The following ZNF586 variants were observed in gnomAD, a reference collection of about 807,000 sequenced individuals.
ZNF586 encodes zinc finger protein 586.
ZNF586 carries 7 observed loss-of-function variants against 6.7 expected under a neutral mutation model. The ratio of observed to expected loss-of-function variants is 1.04; its 90% CI spans 0.59 to 1.95. ZNF586 has a LOEUF of 1.95. ZNF586 is among the 30% of genes most tolerant of loss of function. The pLI is 0.00. For synonymous variants in ZNF586, 166 were observed against 168.7 expected, an observed-to-expected ratio of 0.98 and a Z score of 0.12; for missense variants, 442 against 489.6, an observed-to-expected ratio of 0.90 and a Z score of 0.92.
In ZNF586 at chr19:57,772,499, G is replaced by GC. The variant is rs1987121186; in HGVS notation, c.36+2621_36+2622insC. On this transcript the variant is annotated intron_variant, in intron 1 of 2. Transcript: ENST00000396154. ...CGATGCCAATCACAAGCCCCAGGATGTTTTTTTTTTTTTACCTGTCCTTTG... is the reference window on the plus strand; with the variant it reads ...CGATGCCAATCACAAGCCCCAGGATGCTTTTTTTTTTTTTACCTGTCCTTTG... 5.4e-5 allele frequency among the ~76,000 whole-genome samples: 8 copies of GC among 147,408 alleles called. No individual in the cohort carries two copies. The South Asian group carries it at 1.7e-3, about 32-fold the overall frequency.
At chr19:57,777,292 T>C (rs369338493) in intron 2 of ZNF586, among the ~76,000 whole-genome samples, 3 of 152,206 alleles carry the variant, frequency 2.0e-5, no homozygotes, top group Admixed American at 1.3e-4. Context: ...TGAGCCAGCA[T>C]TGGCTGTTCG....
chr19:57,777,072 G>A (rs1987255600), intron 2 of ZNF586, among the ~76,000 whole-genome samples: 1 of 152,078 alleles, frequency 6.6e-6, no homozygotes, highest in Non-Finnish European at 1.5e-5. Context: ...GCCTATTCTT[G>A]CAATACCCTA....
At chr19:57,769,903 T>TTGGCCCCCCA in intron 1 of ZNF586, 25 bp downstream of exon 1, 1 of 1,475,862 alleles carries the variant, frequency 6.8e-7, no homozygotes, top group Non-Finnish European at 9.1e-7. Context: ...CTCCGGGCCT[T>TTGGCCCCCCA]ACCCACCCTA....
intron 1 of ZNF586, among the ~76,000 whole-genome samples, chr19:57,776,068 T>A (rs750820645): frequency 2.0e-5 from 3 of 152,174 alleles, no homozygotes; most frequent in Non-Finnish European, 4.4e-5. Context: ...AAACTCCTAC[T>A]CTTTACCAGT....
At position 57,779,825 on chromosome 19, in the gene ZNF586, G is replaced by C. The variant is rs1193033737; in HGVS notation, c.*29G>C. 5.8e-6 allele frequency: 9 copies of C among 1,543,784 alleles called. No individual in the cohort carries two copies. Among genetic ancestry groups the C allele is most frequent in the South Asian group, 1.3e-5 (1 of 78,876 alleles). On this transcript the variant is annotated 3_prime_UTR_variant, in exon 3 of 3. Transcript: ENST00000396154. ...AAATTTTGGAAATTCTCTTGCCCAG[G>C]CTTTTTGCTCCTTCAAGGCCAGAGA... is the stretch of plus-strand genomic sequence containing the variant.
Position 57,779,567 on chromosome 19 carries a change from G to GC in ZNF586, c.982dup (p.Arg328ProfsTer4), listed in dbSNP as rs760514964. ...TGCGGGCAGTGTGGGAAATCCTTTA[G>GC]CCGAAAATCTAGCCTTATTATACAT... On this transcript the variant is annotated frameshift_variant, in exon 3 of 3. Coordinates refer to ENST00000396154, the MANE Select transcript of ZNF586 (RefSeq NM_017652.4). LOFTEE classifies it low-confidence loss of function (END_TRUNC). 8 of 1,612,362 alleles carry GC rather than the reference G, an allele frequency of 5.0e-6. No homozygotes were observed. In the Admixed American group the frequency reaches 1.2e-4, roughly 24 times the overall value.
At chr19:57,773,402 C>CTTTTTTTT (rs35585717) in intron 1 of ZNF586, among the ~76,000 whole-genome samples, 1 of 92,790 alleles carries the variant, frequency 1.1e-5, no homozygotes, top group Non-Finnish European at 2.4e-5. Context: ...TCTTCTTCTT[C>CTTTTTTTT]TTTTTTTTTT....
intron 1 of ZNF586, among the ~76,000 whole-genome samples, chr19:57,772,423 G>C (rs757876419): frequency 1.3e-5 from 2 of 151,962 alleles, no homozygotes; most frequent in African/African-American, 2.4e-5. Context: ...GTGGACATCA[G>C]ATCCCACAGG....
chr19:57,778,477 CA>C (rs1327288370), intron 2 of ZNF586, among the ~76,000 whole-genome samples: 1 of 152,112 alleles, frequency 6.6e-6, no homozygotes, highest in Non-Finnish European at 1.5e-5. Flanking sequence ...ACGTCATCAG[CA>C]AATAAGGTTC....
intron 1 of ZNF586, among the ~76,000 whole-genome samples, chr19:57,774,110 G>A (rs1274670142): frequency 6.6e-6 from 1 of 151,720 alleles, no homozygotes; most frequent in Non-Finnish European, 1.5e-5. Context: ...CCAGATATTC[G>A]GGGGCTGAGA....
chr19:57,778,808 A>G lies in ZNF586; in HGVS notation c.221A>G (p.His74Arg). ...AAPSKQSTCI[H>R]IYKDQGGHSG... Reference sequence around the variant, plus strand: ...CCTTCTAAGCAGAGCACGTGTATACATATATACAAAGACCAGGGAGGTCAT... The same window carrying G: ...CCTTCTAAGCAGAGCACGTGTATACGTATATACAAAGACCAGGGAGGTCAT... Residue 74 changes from histidine to arginine, a missense_variant, in exon 3 of 3, where the codon CAT becomes CGT. Coordinates refer to ENST00000396154, the MANE Select transcript of ZNF586 (RefSeq NM_017652.4). 6.2e-7 allele frequency: 1 copy of G among 1,614,180 alleles called. No individual in the cohort carries two copies. Among genetic ancestry groups the G allele is most frequent in the South Asian group, 1.1e-5 (1 of 91,078 alleles).
chr19:57,778,347 T>A (rs1987290906), intron 2 of ZNF586, among the ~76,000 whole-genome samples: 2 of 152,116 alleles, frequency 1.3e-5, no homozygotes, highest in African/African-American at 4.8e-5. Flanking sequence ...AGTGCTGGGA[T>A]TAGAGGCATG....
intron 2 of ZNF586, 108 bp downstream of exon 2, chr19:57,776,777 C>T (rs1987248543): frequency 7.7e-7 from 1 of 1,293,562 alleles, no homozygotes. Flanking sequence ...TTCTCCAGTT[C>T]TCTGGAGAGG....
chr19:57,778,849 T>C lies in ZNF586; in HGVS notation c.262T>C (p.Tyr88His). The change falls in exon 3 of 3, where the codon TAT (tyrosine) becomes CAT (histidine). Residue 88 changes from tyrosine (Y) to histidine (H), a missense_variant. Physicochemically the swap from Tyr to His is moderately conservative, Grantham distance 83. Coordinates refer to ENST00000396154, the MANE Select transcript of ZNF586 (RefSeq NM_017652.4). ...DQGGHSGERP[Y>H]ECGEYRKLFK... is the part of the protein sequence containing the mutation. ...GGGAGGTCATAGTGGAGAAAGGCCT[T>C]ATGAGTGTGGGGAATATAGGAAATT... 2 of 1,614,132 alleles carry C rather than the reference T, an allele frequency of 1.2e-6. No homozygotes were observed. The highest frequency in any genetic ancestry group is 2.2e-5 in the South Asian group (2 of 91,078).
chr19:57,778,893 C>T lies in ZNF586; in HGVS notation c.306C>T (p.Cys102=). 1 of 1,613,898 alleles carries T rather than the reference C, an allele frequency of 6.2e-7. No individual in the cohort carries two copies. Among genetic ancestry groups the T allele is most frequent in the African/African-American group, 1.3e-5 (1 of 74,936 alleles). The change falls in exon 3 of 3, where the codon TGC becomes TGT. Residue 102 remains cysteine, a synonymous_variant. Coordinates refer to ENST00000396154, the MANE Select transcript of ZNF586 (RefSeq NM_017652.4). ...GGAAATTATTTAAGAACAAGTCCTG[C>T]CTCACTGAACCCAGAAGAGATCACA... ...EYRKLFKNKS[C]LTEPRRDHKH...
chr19:57,769,706 C>T lies in ZNF586; in HGVS notation c.-137C>T. ...TCAGGTCCATCCGGCGATGCTGGGT[C>T]TGGACGAGCTCGGGAGGAGTGGTTG... On this transcript the variant is annotated 5_prime_UTR_variant, in exon 1 of 3. Transcript: ENST00000396154. 1.1e-6 allele frequency: 1 copy of T among 929,204 alleles called. No individual in the cohort carries two copies. The highest frequency in any genetic ancestry group is 1.7e-6 in the Non-Finnish European group (1 of 603,836). The allele number at this position is 929,204 out of a possible 1,614,324, so 57.6% of individuals were successfully genotyped here.
At chr19:57,775,154 AC>A (rs1987201676) in intron 1 of ZNF586, among the ~76,000 whole-genome samples, 1 of 151,682 alleles carries the variant, frequency 6.6e-6, no homozygotes, top group East Asian at 1.9e-4. Context: ...CCGCCACCAC[AC>A]CCGGCTAATT....
intron 1 of ZNF586, among the ~76,000 whole-genome samples, chr19:57,774,967 ATTAT>A (rs1987192130): frequency 6.6e-6 from 1 of 151,112 alleles, no homozygotes; most frequent in Non-Finnish European, 1.5e-5. Flanking sequence ...GTTCCTGGTT[ATTAT>A]TTATTTGTAG....
chr19:57,778,242 T>C (rs568814102), intron 2 of ZNF586, among the ~76,000 whole-genome samples: 2 of 152,004 alleles, frequency 1.3e-5, no homozygotes, highest in African/African-American at 2.4e-5. Flanking sequence ...TGGCTAACTT[T>C]TATTTTTAGT....
Sources: gnomAD v4.1 joint callset for allele counts (sites outside exome capture counted in the v4.1 genomes callset) on GRCh38, gnomAD v4.1.1 for gene constraint, MANE v1.5 for transcripts, NCBI Gene and HGNC (gene_info 2026-07-23, HGNC 2026-07-21) for gene names.